The following NTNG1 variants were observed in gnomAD, a reference collection of about 807,000 sequenced individuals.
The protein encoded by NTNG1 is netrin-G1.
In NTNG1, 16 loss-of-function variants were observed where a neutral mutation model predicts 54.0. The ratio of observed to expected loss-of-function variants is 0.30; its 90% CI spans 0.20 to 0.45. The LOEUF is 0.45. NTNG1 is among the 20% of genes least tolerant of loss of function. The probability of loss-of-function intolerance (pLI) is 1.00; values close to 1 mark genes in which losing one functional copy is unlikely to be tolerated. For missense variants in NTNG1, 530 were observed against 678.7 expected (o/e 0.78, Z 2.43); for synonymous variants, 255 against 263.1 (o/e 0.97, Z 0.30).
At chr1:107,426,655 G>A (rs1674927142) in intron 5 of NTNG1, among the ~76,000 whole-genome samples, 1 of 151,816 alleles carries the variant, frequency 6.6e-6, no homozygotes, top group East Asian at 1.9e-4. Flanking sequence ...TTGGCTATTT[G>A]GGCTTTTTTT....
At position 107,359,848 on chromosome 1, in the gene NTNG1, T is replaced by C. The variant is rs999446476; in HGVS notation, c.887+34926T>C. The stretch of plus-strand genomic sequence containing the variant: ...AAAAAGGAAAAGAGAGAAGTGGAAA[T>C]ACATATTTATAGAAAACAGTATTTT... On this transcript the variant is annotated intron_variant, in intron 3 of 7. Coordinates refer to ENST00000370068, the MANE Select transcript of NTNG1 (RefSeq NM_001113226.3). 2.0e-5 allele frequency among the ~76,000 whole-genome samples: 3 copies of C among 152,186 alleles called. No homozygotes were observed. In the South Asian group the frequency reaches 6.2e-4, roughly 32 times the overall value.
At chr1:107,212,860 CT>C (rs1187197653) in intron 2 of NTNG1, among the ~76,000 whole-genome samples, 3 of 151,856 alleles carry the variant, frequency 2.0e-5, no homozygotes, top group Non-Finnish European at 4.4e-5. Flanking sequence ...TATATCCAGC[CT>C]TTTGCATGTA....
chr1:107,413,632 C>T lies in NTNG1; in HGVS notation c.1087+5924C>T, dbSNP rs150690705. 5.1e-4 allele frequency among the ~76,000 whole-genome samples: 77 copies of T among 152,204 alleles called. No individual in the cohort carries two copies. The Middle Eastern group carries it at 0.01, about 20-fold the overall frequency. ...TCACAGCAGTGGCACATCATATCAT[C>T]GTGGTATCCTGTTTCTCACAGGTTG... On this transcript the variant is annotated intron_variant, in intron 5 of 7. Transcript: ENST00000370068.
intron 2 of NTNG1, among the ~76,000 whole-genome samples, chr1:107,286,361 C>G (rs17018707): frequency 6.6e-6 from 1 of 152,116 alleles, no homozygotes; most frequent in Non-Finnish European, 1.5e-5. Context: ...AGTCATTTCA[C>G]TCCTGCCACC....
At chr1:107,374,351 A>G (rs1349762882) in intron 3 of NTNG1, among the ~76,000 whole-genome samples, 1 of 152,110 alleles carries the variant, frequency 6.6e-6, no homozygotes, top group Non-Finnish European at 1.5e-5. Context: ...TTCTCCTTTG[A>G]CTATTCCAGT....
chr1:107,376,544 A>G (rs1442725257), intron 3 of NTNG1, among the ~76,000 whole-genome samples: 1 of 152,150 alleles, frequency 6.6e-6, no homozygotes, highest in Non-Finnish European at 1.5e-5. Context: ...CCAATCAGGA[A>G]ACCCTGTGAG....
Position 107,143,726 on chromosome 1 carries a change from G to A in NTNG1, c.-526+2586G>A, listed in dbSNP as rs116067885. On this transcript the variant is annotated intron_variant, in intron 1 of 7. Coordinates refer to ENST00000370068, the MANE Select transcript of NTNG1 (RefSeq NM_001113226.3). The stretch of plus-strand genomic sequence containing the variant: ...TAGGTGTAGATTTTCTCATATATGC[G>A]TTTGAGACCTTAGATCTCTGAACTT... Among the ~76,000 whole-genome samples, 1,325 of 151,482 alleles carry A rather than the reference G, an allele frequency of 8.7e-3. 14 individuals carry two copies. The highest frequency in any genetic ancestry group is 0.03 in the African/African-American group (1,251 of 41,244).
At chr1:107,479,830 G>A (rs1678575069) in intron 7 of NTNG1, among the ~76,000 whole-genome samples, 1 of 152,216 alleles carries the variant, frequency 6.6e-6, no homozygotes, top group Non-Finnish European at 1.5e-5. Context: ...TATTCAAACT[G>A]ATTCCATTAA....
At chr1:107,473,886 A>T (rs1266685934) in intron 7 of NTNG1, among the ~76,000 whole-genome samples, 1 of 152,194 alleles carries the variant, frequency 6.6e-6, no homozygotes, top group Non-Finnish European at 1.5e-5. Flanking sequence ...TGAATCTAAC[A>T]TTAATACTCT....
Position 107,366,737 on chromosome 1 carries a change from G to T in NTNG1, c.888-28417G>T, listed in dbSNP as rs61799242. 8.4e-3 allele frequency among the ~76,000 whole-genome samples: 1,286 copies of T among 152,282 alleles called. 11 individuals carry two copies. The highest frequency in any genetic ancestry group is 0.054 in the Middle Eastern group (16 of 294). On this transcript the variant is annotated intron_variant, in intron 3 of 7. Transcript: ENST00000370068. ...ATGCAGAATTAACTCATCTATTAGG[G>T]ATGTAGGATGTTCTCTGCTTTTTAT...
intron 1 of NTNG1, among the ~76,000 whole-genome samples, chr1:107,142,649 TA>T (rs1251832749): frequency 1.3e-5 from 2 of 149,340 alleles, no homozygotes; most frequent in African/African-American, 5.0e-5. Context: ...CTGAAAATAC[TA>T]AAAGTTGTTT....
chr1:107,166,778 C>A (rs761875137), intron 2 of NTNG1, among the ~76,000 whole-genome samples: 8 of 151,870 alleles, frequency 5.3e-5, no homozygotes, highest in Non-Finnish European at 8.8e-5. Flanking sequence ...ACATACCAGA[C>A]CCTTGGATTG....
intron 2 of NTNG1, among the ~76,000 whole-genome samples, chr1:107,312,862 T>C (rs1667107296): frequency 6.6e-6 from 1 of 152,198 alleles, no homozygotes. Context: ...CTCACATTTA[T>C]AGAAAAGATG....
At chr1:107,218,781 C>T (rs1660140786) in intron 2 of NTNG1, among the ~76,000 whole-genome samples, 1 of 152,082 alleles carries the variant, frequency 6.6e-6, no homozygotes, top group Non-Finnish European at 1.5e-5. Context: ...AATATAGGAC[C>T]CCAGTCCCTT....
chr1:107,373,894 G>T (rs550909966), intron 3 of NTNG1, among the ~76,000 whole-genome samples: 1 of 151,978 alleles, frequency 6.6e-6, no homozygotes, highest in African/African-American at 2.4e-5. Flanking sequence ...TAAAGACAGG[G>T]TCTTGCTTTT....
chr1:107,396,348 G>A (rs774279827), intron 4 of NTNG1, among the ~76,000 whole-genome samples: 4 of 152,054 alleles, frequency 2.6e-5, no homozygotes, highest in Admixed American at 2.0e-4. Flanking sequence ...CAAGTTAAAC[G>A]TAAGAGTAAT....
In NTNG1 at chr1:107,484,825, C is replaced by G. The variant is rs1191452714; in HGVS notation, c.*3985C>G. On this transcript the variant is annotated 3_prime_UTR_variant, in exon 8 of 8. Coordinates refer to ENST00000370068, the MANE Select transcript of NTNG1 (RefSeq NM_001113226.3). Reference sequence around the variant, plus strand: ...AGACCCAGCATTCTGAAATGGGATGCTCTGTACTATATGGGAAATGGGTTG... The same window carrying G: ...AGACCCAGCATTCTGAAATGGGATGGTCTGTACTATATGGGAAATGGGTTG... Among the ~76,000 whole-genome samples the G allele has an allele frequency of 2.6e-5, 4 of 152,322 alleles. No homozygotes were observed. The highest frequency in any genetic ancestry group is 9.6e-5 in the African/African-American group (4 of 41,572).
intron 2 of NTNG1, among the ~76,000 whole-genome samples, chr1:107,149,805 A>G (rs1654422915): frequency 6.6e-6 from 1 of 152,026 alleles, no homozygotes; most frequent in Admixed American, 6.6e-5. Context: ...TGATAGAAGA[A>G]CTGCGATCCT....
intron 2 of NTNG1, among the ~76,000 whole-genome samples, chr1:107,183,048 A>T (rs1336284638): frequency 6.6e-6 from 1 of 152,200 alleles, no homozygotes; most frequent in African/African-American, 2.4e-5. Context: ...ACATTGTTTC[A>T]TCAACACAGG....
Sources: allele counts gnomAD v4.1 joint callset (sites outside exome capture counted in the v4.1 genomes callset), GRCh38; gene constraint gnomAD v4.1.1; transcripts MANE v1.5; gene names NCBI Gene and HGNC (gene_info 2026-07-23, HGNC 2026-07-21).